FMN2: variants seen among roughly 807,000 people sequenced by gnomAD.
The protein encoded by FMN2 is formin-2.
Under a neutral mutation model 142.3 loss-of-function variants are expected in FMN2, and 51 were observed. The observed-to-expected ratio is 0.36, with a 90% CI of 0.29 to 0.45. FMN2 has a LOEUF of 0.45. Ranked by LOEUF, FMN2 falls within the 20% of genes least tolerant of loss-of-function variation. The probability of loss-of-function intolerance (pLI) is 1.00; values close to 1 mark genes in which losing one functional copy is unlikely to be tolerated. For synonymous variants in FMN2, 882 were observed against 869.8 expected, an observed-to-expected ratio of 1.01 and a Z score of -0.25; for missense variants, 1,936 against 2,122.8, an observed-to-expected ratio of 0.91 and a Z score of 1.73.
intron 15 of FMN2, among the ~76,000 whole-genome samples, chr1:240,398,931 A>G (rs548830358): frequency 2.0e-5 from 3 of 152,264 alleles, no homozygotes; most frequent in African/African-American, 4.8e-5. Flanking sequence ...TAGAAACCAG[A>G]GTCAGATTTC....
chr1:240,335,528 G>A (rs1036360538), intron 13 of FMN2, among the ~76,000 whole-genome samples: 2 of 152,128 alleles, frequency 1.3e-5, no homozygotes, highest in Non-Finnish European at 2.9e-5. Context: ...ACTATGATGT[G>A]TAAATGCTAG....
At position 240,349,954 on chromosome 1, in the gene FMN2, AT is replaced by A. The variant is rs34827249; in HGVS notation, c.4766-5850del. On this transcript the variant is annotated intron_variant, in intron 13 of 17. Coordinates refer to ENST00000319653, the MANE Select transcript of FMN2 (RefSeq NM_020066.5). Reference sequence around the variant, plus strand: ...AGTTTGTGAGATTGTAGTGTTCGGTATTTTTTTTTTTTATTTACATAGTCAC... The same window carrying A: ...AGTTTGTGAGATTGTAGTGTTCGGTATTTTTTTTTTTATTTACATAGTCAC... Among the ~76,000 whole-genome samples the A allele has an allele frequency of 3.9e-3, 571 of 144,578 alleles. 3 individuals are homozygous for A. The highest frequency in any genetic ancestry group is 9.8e-3 in the African/African-American group (382 of 39,008). The allele number at this position is 144,578 out of a possible 152,430, so 94.8% of individuals were successfully genotyped here.
chr1:240,092,289 G>A lies in FMN2; in HGVS notation c.180G>A (p.Glu60=), dbSNP rs199572295. The change falls in exon 1 of 18, where the codon GAG becomes GAA. Residue 60 remains glutamate, a synonymous_variant. Transcript: ENST00000319653. The part of the protein sequence containing the change: ...KGGGGGGGGG[E]SGKKKSKSDS... ...GAGGGGGCGGCGGCGGCGGCGGGGAGTCGGGCAAGAAGAAGAGCAAGTCCG... is the reference window on the plus strand; with the variant it reads ...GAGGGGGCGGCGGCGGCGGCGGGGAATCGGGCAAGAAGAAGAGCAAGTCCG... 217 of 1,586,272 alleles carry A rather than the reference G, an allele frequency of 1.4e-4. 1 individual carries two copies. The East Asian group carries it at 4.8e-3, about 35-fold the overall frequency.
At chr1:240,414,360 C>T (rs998208721) in intron 15 of FMN2, among the ~76,000 whole-genome samples, 2 of 152,140 alleles carry the variant, frequency 1.3e-5, no homozygotes, top group Non-Finnish European at 2.9e-5. Flanking sequence ...GAGAACTTCA[C>T]GTCTGTTAAA....
chr1:240,245,285 G>A (rs1388576352), intron 6 of FMN2: 1 of 343,408 alleles, frequency 2.9e-6, no homozygotes, highest in African/African-American at 2.2e-5. Flanking sequence ...ACAGGATGAA[G>A]GCAGTACAGA....
intron 15 of FMN2, among the ~76,000 whole-genome samples, chr1:240,405,911 T>C (rs1354757425): frequency 6.6e-6 from 1 of 152,134 alleles, no homozygotes; most frequent in Non-Finnish European, 1.5e-5. Context: ...TCAATTCAAT[T>C]ACATTACACG....
At chr1:240,467,863 C>T (rs1336830450) in intron 16 of FMN2, among the ~76,000 whole-genome samples, 1 of 152,118 alleles carries the variant, frequency 6.6e-6, no homozygotes, top group African/African-American at 2.4e-5. Flanking sequence ...GTTTTATAGC[C>T]ATTATCTACC....
At chr1:240,355,178 C>T (rs1263334316) in intron 13 of FMN2, among the ~76,000 whole-genome samples, 4 of 149,376 alleles carry the variant, frequency 2.7e-5, no homozygotes, top group Admixed American at 6.6e-5. Context: ...CCTTAACTTC[C>T]TCAGCTATAA....
At chr1:240,248,267 C>T (rs1668147428) in intron 6 of FMN2, among the ~76,000 whole-genome samples, 1 of 151,964 alleles carries the variant, frequency 6.6e-6, no homozygotes. Flanking sequence ...GCTTATCTCA[C>T]TTAGAACCTC....
At chr1:240,298,539 CAGA>C (rs545097722) in intron 8 of FMN2, among the ~76,000 whole-genome samples, 1 of 152,172 alleles carries the variant, frequency 6.6e-6, no homozygotes, top group South Asian at 2.1e-4. Context: ...GGCCACACAG[CAGA>C]AGGTGAGCCA....
chr1:240,419,371 G>C (rs1202985984), intron 15 of FMN2, among the ~76,000 whole-genome samples: 1 of 151,988 alleles, frequency 6.6e-6, no homozygotes, highest in African/African-American at 2.4e-5. Flanking sequence ...ATTTGTCATA[G>C]CACCTCCACA....
At chr1:240,469,855 G>T (rs1258177943) in intron 16 of FMN2, among the ~76,000 whole-genome samples, 1 of 152,160 alleles carries the variant, frequency 6.6e-6, no homozygotes, top group African/African-American at 2.4e-5. Context: ...ATGTTGAGCT[G>T]TGCCTAGTGC....
intron 2 of FMN2, among the ~76,000 whole-genome samples, chr1:240,138,991 G>C (rs140090264): frequency 6.6e-6 from 1 of 152,250 alleles, no homozygotes; most frequent in African/African-American, 2.4e-5. Context: ...AGAATCCCCC[G>C]AAGGGCTTGT....
intron 6 of FMN2, among the ~76,000 whole-genome samples, chr1:240,241,159 T>C (rs1187960491): frequency 1.3e-5 from 2 of 152,008 alleles, no homozygotes; most frequent in East Asian, 1.9e-4. Context: ...TAATAAAATA[T>C]ATACCTAATG....
At chr1:240,372,475 T>G (rs1157293608) in intron 14 of FMN2, among the ~76,000 whole-genome samples, 1 of 151,832 alleles carries the variant, frequency 6.6e-6, no homozygotes, top group African/African-American at 2.4e-5. Flanking sequence ...CTTATTTTTT[T>G]CTTCATAAAG....
rs190439288 is a variant in FMN2 at position 240,186,578 on chromosome 1, G to A, written c.1931-1629G>A. Among the ~76,000 whole-genome samples the A allele has an allele frequency of 3.8e-3, 581 of 152,328 alleles. 4 individuals are homozygous for A. Among genetic ancestry groups the A allele is most frequent in the African/African-American group, 0.013 (547 of 41,582 alleles). ...GGGGTCGCTGCTTGAGCAAAGCCCC[G>A]AAGGAAGCAGCCACAGAGTGGGGCT... On this transcript the variant is annotated intron_variant, in intron 3 of 17. Coordinates refer to ENST00000319653, the MANE Select transcript of FMN2 (RefSeq NM_020066.5).
chr1:240,414,072 T>C (rs916084197), intron 15 of FMN2, among the ~76,000 whole-genome samples: 13 of 152,248 alleles, frequency 8.5e-5, no homozygotes, highest in African/African-American at 3.1e-4. Context: ...TTTTTTTAGC[T>C]TCACAATCTC....
intron 8 of FMN2, among the ~76,000 whole-genome samples, chr1:240,327,378 A>G (rs900927590): frequency 1.3e-5 from 2 of 152,168 alleles, no homozygotes; most frequent in African/African-American, 2.4e-5. Flanking sequence ...TCTCAAAACA[A>G]TCAGTAAATA....
chr1:240,383,715 G>A (rs1030243002), intron 14 of FMN2, among the ~76,000 whole-genome samples: 5 of 152,074 alleles, frequency 3.3e-5, no homozygotes, highest in Admixed American at 1.3e-4. Flanking sequence ...ACTACCATTC[G>A]ACCCAGCAAT....
Sources: allele counts gnomAD v4.1 joint callset (sites outside exome capture counted in the v4.1 genomes callset), GRCh38; gene constraint gnomAD v4.1.1; transcripts MANE v1.5; gene names NCBI Gene and HGNC (gene_info 2026-07-23, HGNC 2026-07-21).